GRIN2B: variants seen among roughly 807,000 people sequenced by gnomAD.
GRIN2B encodes the protein glutamate receptor ionotropic, NMDA 2B.
In GRIN2B, 5 loss-of-function variants were observed where a neutral mutation model predicts 114.5. The observed-to-expected ratio is 0.04, with a 90% CI of 0.02 to 0.09. The LOEUF (loss-of-function observed/expected upper bound fraction) is 0.09, where lower values mean the gene tolerates loss of function less well. GRIN2B is among the 10% of genes least tolerant of loss of function. The pLI is 1.00. For synonymous variants in GRIN2B, 787 were observed against 745.1 expected (o/e 1.06, Z -0.92); for missense variants, 1,108 against 1,943.5 (o/e 0.57, Z 8.08).
chr12:13,608,583 ATT>A lies in GRIN2B; in HGVS notation c.2010+18_2010+19del. The stretch of plus-strand genomic sequence containing the variant: ...AACAGGATTGAGGGAAAGACGGGAG[ATT>A]TCAAATGAGTCTCTTACCTTTTTGT... On this transcript the variant is annotated intron_variant, in intron 10 of 13. Transcript: ENST00000609686. 1 of 1,547,410 alleles carries A rather than the reference ATT, an allele frequency of 6.5e-7. No individual in the cohort carries two copies. The highest frequency in any genetic ancestry group is 8.9e-7 in the Non-Finnish European group (1 of 1,119,536).
chr12:13,954,811 G>GAAAAAA (rs61525874), intron 2 of GRIN2B, among the ~76,000 whole-genome samples: 940 of 25,506 alleles, frequency 0.037, 172 homozygotes, highest in Non-Finnish European at 0.051. Context: ...TCCGTCTCAG[G>GAAAAAA]AAAAAAAAAA....
Position 13,555,150 on chromosome 12 carries a change from A to T in GRIN2B, c.*7633T>A, listed in dbSNP as rs946736428. On this transcript the variant is annotated 3_prime_UTR_variant, in exon 14 of 14. Coordinates refer to ENST00000609686, the MANE Select transcript of GRIN2B (RefSeq NM_000834.5). ...CATGGCAAGTCAATGCTAAGGAGAT[A>T]AGAGGAAGAGCAGGAACCAATGAGG... 2.0e-5 allele frequency: 3 copies of T among 152,204 alleles called. No homozygotes were observed. Among genetic ancestry groups the T allele is most frequent in the African/African-American group, 7.2e-5 (3 of 41,426 alleles). The allele number at this position is 152,204 out of a possible 1,614,324, so 9.4% of individuals were successfully genotyped here.
In GRIN2B at chr12:13,545,444, C is replaced by T. The variant is rs1003371849; in HGVS notation, c.*17339G>A. 14 of 152,122 alleles carry T rather than the reference C, an allele frequency of 9.2e-5. No individual in the cohort carries two copies. Among genetic ancestry groups the T allele is most frequent in the African/African-American group, 3.4e-4 (14 of 41,414 alleles). The allele number at this position is 152,122 out of a possible 1,614,324, so 9.4% of individuals were successfully genotyped here. A position where few individuals can be genotyped will look rare whatever the true frequency, so the allele number is the denominator to read the frequency against. ...CCTAGAACAGCCTGGCATGGGTTTC[C>T]ACTCAATAAATATCAACATGGATAA... is the stretch of plus-strand genomic sequence containing the variant. On this transcript the variant is annotated 3_prime_UTR_variant, in exon 14 of 14. Coordinates refer to ENST00000609686, the MANE Select transcript of GRIN2B (RefSeq NM_000834.5).
At chr12:13,790,793 C>A (rs955316211) in intron 3 of GRIN2B, among the ~76,000 whole-genome samples, 1 of 152,126 alleles carries the variant, frequency 6.6e-6, no homozygotes, top group African/African-American at 2.4e-5. Context: ...GAAATTAGGA[C>A]CATTATGAGG....
In GRIN2B at chr12:13,559,079, C is replaced by G. The variant is rs1401589482; in HGVS notation, c.*3704G>C. 1 of 152,182 alleles carries G rather than the reference C, an allele frequency of 6.6e-6. No individual in the cohort carries two copies. The highest frequency in any genetic ancestry group is 6.5e-5 in the Admixed American group (1 of 15,280). The allele number at this position is 152,182 out of a possible 1,614,324, so 9.4% of individuals were successfully genotyped here. A position where few individuals can be genotyped will look rare whatever the true frequency, so the allele number is the denominator to read the frequency against. ...TGGATGGATTGGGTGTTGTTTCATA[C>G]CCATCTGTGATATAGATTGGGCTTA... On this transcript the variant is annotated 3_prime_UTR_variant, in exon 14 of 14. Coordinates refer to ENST00000609686, the MANE Select transcript of GRIN2B (RefSeq NM_000834.5).
intron 3 of GRIN2B, among the ~76,000 whole-genome samples, chr12:13,821,536 G>A (rs1864938680): frequency 6.6e-6 from 1 of 152,158 alleles, no homozygotes; most frequent in South Asian, 2.1e-4. Context: ...GAATGGGACT[G>A]GTGTTAGGAA....
chr12:13,689,930 A>G (rs767103288), intron 4 of GRIN2B, among the ~76,000 whole-genome samples: 12 of 151,758 alleles, frequency 7.9e-5, no homozygotes, highest in African/African-American at 1.2e-4. Context: ...CTCTCTCTAC[A>G]CTTTCCTATC....
rs1226082687 is a variant in GRIN2B at position 13,742,307 on chromosome 12, A to G, written c.1010+11010T>C. ...ATTTATTAATGCTGTTGGTTTGCCTATCTGATCCTCATCATCATGTCTGTT... is the reference window on the plus strand; with the variant it reads ...ATTTATTAATGCTGTTGGTTTGCCTGTCTGATCCTCATCATCATGTCTGTT... On this transcript the variant is annotated intron_variant, in intron 4 of 13. Transcript: ENST00000609686. 2.0e-5 allele frequency among the ~76,000 whole-genome samples: 3 copies of G among 152,228 alleles called. No individual in the cohort carries two copies. The East Asian group carries it at 5.8e-4, about 29-fold the overall frequency.
chr12:13,751,513 C>T lies in GRIN2B; in HGVS notation c.1010+1804G>A, dbSNP rs1277979101. Among the ~76,000 whole-genome samples the T allele has an allele frequency of 2.6e-5, 4 of 152,060 alleles. No individual in the cohort carries two copies. In the East Asian group the frequency reaches 7.7e-4, roughly 29 times the overall value. ...TGGGGAGACTAAAATCCGGGGCAAA[C>T]AGTACGATTGACTATGAGGTGTCAG... is the stretch of plus-strand genomic sequence containing the variant. On this transcript the variant is annotated intron_variant, in intron 4 of 13. Coordinates refer to ENST00000609686, the MANE Select transcript of GRIN2B (RefSeq NM_000834.5).
intron 3 of GRIN2B, among the ~76,000 whole-genome samples, chr12:13,759,770 A>G (rs1247049456): frequency 6.6e-6 from 1 of 152,134 alleles, no homozygotes; most frequent in African/African-American, 2.4e-5. Flanking sequence ...TAAACTTAAG[A>G]TGTTATTCTA....
At chr12:13,668,296 G>A (rs1257778499) in intron 5 of GRIN2B, among the ~76,000 whole-genome samples, 3 of 152,166 alleles carry the variant, frequency 2.0e-5, no homozygotes, top group African/African-American at 7.2e-5. Context: ...CTGTTGACAA[G>A]CACTGGAAGG....
At chr12:13,617,916 T>A (rs1949464311) in intron 5 of GRIN2B, among the ~76,000 whole-genome samples, 1 of 152,236 alleles carries the variant, frequency 6.6e-6, no homozygotes, top group Non-Finnish European at 1.5e-5. Flanking sequence ...GCCCTTGTGT[T>A]ACTGCATCAT....
intron 4 of GRIN2B, among the ~76,000 whole-genome samples, chr12:13,695,466 T>C (rs1950251996): frequency 6.6e-6 from 1 of 152,158 alleles, no homozygotes; most frequent in Non-Finnish European, 1.5e-5. Context: ...GGAGTTATTT[T>C]AGCTGGGTCT....
At chr12:13,579,584 T>C (rs1157495179) in intron 10 of GRIN2B, among the ~76,000 whole-genome samples, 1 of 152,240 alleles carries the variant, frequency 6.6e-6, no homozygotes, top group East Asian at 1.9e-4. Flanking sequence ...ATCATCATTG[T>C]CATCATCATC....
At chr12:13,881,204 T>C (rs887165540) in intron 2 of GRIN2B, among the ~76,000 whole-genome samples, 1 of 151,588 alleles carries the variant, frequency 6.6e-6, no homozygotes, top group Admixed American at 6.6e-5. Context: ...CACTTGCCGC[T>C]TTTTTTCTGC....
At chr12:13,771,925 T>C (rs575011967) in intron 3 of GRIN2B, among the ~76,000 whole-genome samples, 2 of 152,340 alleles carry the variant, frequency 1.3e-5, no homozygotes, top group South Asian at 4.1e-4. Flanking sequence ...AGTTGTCCCT[T>C]CTGAATATGT....
At chr12:13,657,027 A>G (rs1183276644) in intron 5 of GRIN2B, among the ~76,000 whole-genome samples, 1 of 152,164 alleles carries the variant, frequency 6.6e-6, no homozygotes, top group Non-Finnish European at 1.5e-5. Flanking sequence ...GCACCAAGTC[A>G]AGTACAGATG....
chr12:13,630,079 C>T (rs1452309705), intron 5 of GRIN2B, among the ~76,000 whole-genome samples: 2 of 152,152 alleles, frequency 1.3e-5, no homozygotes, highest in Admixed American at 6.5e-5. Flanking sequence ...TGAATATTAT[C>T]ATTTTCTTTT....
chr12:13,916,735 A>ACACACAAATGTGTGTGTG (rs59238170), intron 2 of GRIN2B, among the ~76,000 whole-genome samples: 2 of 101,906 alleles, frequency 2.0e-5, no homozygotes, highest in Admixed American at 1.0e-4. Context: ...ACACACACAC[A>ACACACAAATGTGTGTGTG]TTTGTGTGTG....
Sources: gnomAD v4.1 joint callset for allele counts (sites outside exome capture counted in the v4.1 genomes callset) on GRCh38, gnomAD v4.1.1 for gene constraint, MANE v1.5 for transcripts, NCBI Gene and HGNC (gene_info 2026-07-23, HGNC 2026-07-21) for gene names.